Variants in DYSF observed in about 807,000 individuals in gnomAD.
DYSF encodes dystrophy-associated fer-1-like 1.
In DYSF, 212 loss-of-function variants were observed where a neutral mutation model predicts 274.9. That is an observed-to-expected ratio of 0.77 (90% CI 0.69 to 0.86). The LOEUF (loss-of-function observed/expected upper bound fraction) is 0.86, where lower values mean the gene tolerates loss of function less well. Among genes scored for constraint, DYSF ranks in the 40% least tolerant of loss-of-function variants. The probability of loss-of-function intolerance (pLI) is 0.00; values close to 1 mark genes in which losing one functional copy is unlikely to be tolerated. For missense variants in DYSF, 2,666 were observed against 2,783.2 expected (o/e 0.96, Z 0.95); for synonymous variants, 1,091 against 1,078.7 (o/e 1.01, Z -0.22).
At position 71,602,816 on chromosome 2, in the gene DYSF, C is replaced by A; in HGVS notation, c.3957+11C>A. On this transcript the variant is annotated intron_variant, in intron 36 of 55. Transcript: ENST00000410020. ...AGGATCCTGGATGAGGTGAGCTGGG[C>A]GTGGTGGTTGGGATGGGTGGGCCGA... 1 of 1,612,582 alleles carries A rather than the reference C, an allele frequency of 6.2e-7. No homozygotes were observed. Among genetic ancestry groups the A allele is most frequent in the Non-Finnish European group, 8.5e-7 (1 of 1,179,766 alleles).
intron 5 of DYSF, among the ~76,000 whole-genome samples, chr2:71,512,653 A>G (rs931432905): frequency 6.6e-5 from 10 of 152,214 alleles, no homozygotes; most frequent in Admixed American, 2.0e-4. Context: ...AGGAAGCTAC[A>G]TAGACGGGCT....
rs763710844 is a variant in DYSF at position 71,503,271 on chromosome 2, C to T, written c.297C>T (p.Ser99=). The T allele has an allele frequency of 1.1e-5, 17 of 1,613,984 alleles. No homozygotes were observed. The highest frequency in any genetic ancestry group is 4.4e-5 in the South Asian group (4 of 91,086). Residue 99 remains serine, a synonymous_variant, in exon 4 of 56, where the codon TCC becomes TCT. Coordinates refer to ENST00000410020, the MANE Select transcript of DYSF (RefSeq NM_001130987.2). ...LREVLATPSL[S]ASFNAPLLDT... ...AGGTCCTCGCCACCCCTAGTCTGTC[C>T]GCCAGCTTCAATGCCCCCCTGCTGG...
intron 41 of DYSF, among the ~76,000 whole-genome samples, chr2:71,622,130 G>T (rs60197768): frequency 4.9e-3 from 475 of 96,918 alleles, no homozygotes; most frequent in African/African-American, 7.8e-3. Flanking sequence ...TGATTTCTTT[G>T]TTTTTTTTTT....
Position 71,686,687 on chromosome 2 carries a change from T to G in DYSF, c.*195T>G, listed in dbSNP as rs978000816. The G allele has an allele frequency of 1.2e-5, 8 of 659,372 alleles. No homozygotes were observed. Among genetic ancestry groups the G allele is most frequent in the Middle Eastern group, 4.9e-4 (2 of 4,098 alleles). 40.8% of individuals were successfully genotyped at this position (659,372 alleles called of 1,614,324 possible). ...GAGCTCTGAGATCACCCCACTTCCA[T>G]CATTTCCTTCTCCCCCAACCCAACG... On this transcript the variant is annotated 3_prime_UTR_variant, in exon 56 of 56. Transcript: ENST00000410020.
At chr2:71,523,927 A>G (rs1573726883) in intron 12 of DYSF, among the ~76,000 whole-genome samples, 1 of 152,194 alleles carries the variant, frequency 6.6e-6, no homozygotes, top group African/African-American at 2.4e-5. Context: ...TGCTTTTAGG[A>G]TAGAGTCCAA....
chr2:71,526,415 C>CAGGGGGGGGGGGGG, intron 13 of DYSF, 69 bp downstream of exon 13: 1 of 411,246 alleles, frequency 2.4e-6, no homozygotes, highest in South Asian at 2.9e-5. Context: ...TGGGGGTGGG[C>CAGGGGGGGGGGGGG]GATGGCGGGC....
At chr2:71,572,351 G>GCA (rs2092542876) in intron 29 of DYSF, among the ~76,000 whole-genome samples, 2 of 146,504 alleles carry the variant, frequency 1.4e-5, no homozygotes, top group East Asian at 4.2e-4. Context: ...ATCACACCCA[G>GCA]CACAGATCAC....
At chr2:71,601,826 A>C (rs1203887447) in intron 35 of DYSF, among the ~76,000 whole-genome samples, 3 of 152,238 alleles carry the variant, frequency 2.0e-5, no homozygotes, top group African/African-American at 7.2e-5. Flanking sequence ...TCTCCGGGAC[A>C]GCACTGCCCA....
At chr2:71,535,389 T>C (rs1300421168) in intron 16 of DYSF, 78 bp downstream of exon 16, 2 of 1,396,734 alleles carry the variant, frequency 1.4e-6, no homozygotes, top group Non-Finnish European at 2.0e-6. Context: ...TTCGGCTCAG[T>C]GACTGGTAGT....
At chr2:71,493,531 C>T (rs192557278) in intron 3 of DYSF, among the ~76,000 whole-genome samples, 37 of 152,266 alleles carry the variant, frequency 2.4e-4, no homozygotes, top group Admixed American at 5.2e-4. Context: ...TAGTAAACCA[C>T]ATGAGTATTT....
At chr2:71,636,123 A>C (rs1440247292) in intron 41 of DYSF, among the ~76,000 whole-genome samples, 1 of 152,142 alleles carries the variant, frequency 6.6e-6, no homozygotes, top group Admixed American at 6.5e-5. Flanking sequence ...TGAGGAAGAA[A>C]GTTGAAGGAC....
chr2:71,564,266 T>C, intron 24 of DYSF, 53 bp downstream of exon 24: 1 of 1,607,960 alleles, frequency 6.2e-7, no homozygotes, highest in South Asian at 1.1e-5. Flanking sequence ...ACATAAGGCC[T>C]TTCTCCCATC....
chr2:71,454,168 C>A, intron 1 of DYSF: 1 of 1,369,552 alleles, frequency 7.3e-7, no homozygotes, highest in East Asian at 2.5e-5. Flanking sequence ...TGGAGAGCAC[C>A]TAGAGCTGAG....
intron 16 of DYSF, among the ~76,000 whole-genome samples, chr2:71,537,217 A>ATTTTT (rs1553536506): frequency 1.1e-5 from 1 of 89,930 alleles, no homozygotes. Flanking sequence ...TTTACTTTCT[A>ATTTTT]GTTTTGTTTT....
chr2:71,659,283 G>A (rs537253509), intron 44 of DYSF, among the ~76,000 whole-genome samples: 1 of 152,334 alleles, frequency 6.6e-6, no homozygotes, highest in East Asian at 1.9e-4. Context: ...AGGACTCTTA[G>A]GATAGATGAG....
intron 1 of DYSF, among the ~76,000 whole-genome samples, chr2:71,473,945 A>G (rs1180098573): frequency 2.1e-5 from 1 of 47,942 alleles, no homozygotes; most frequent in Non-Finnish European, 3.5e-5. Context: ...TTTTTTTTTG[A>G]GACAGAGCTT....
chr2:71,608,610 T>A (rs760438814), intron 36 of DYSF, among the ~76,000 whole-genome samples: 14 of 152,150 alleles, frequency 9.2e-5, no homozygotes, highest in Non-Finnish European at 1.6e-4. Context: ...CAGGGCCTTC[T>A]CCAAACGGTA....
At chr2:71,457,287 T>A (rs991404804) in intron 1 of DYSF, among the ~76,000 whole-genome samples, 3 of 152,196 alleles carry the variant, frequency 2.0e-5, no homozygotes, top group African/African-American at 7.2e-5. Context: ...TGGTAGCAAC[T>A]GTCATCACTC....
intron 10 of DYSF, among the ~76,000 whole-genome samples, chr2:71,517,735 C>T (rs1209642458): frequency 6.6e-6 from 1 of 151,998 alleles, no homozygotes; most frequent in Non-Finnish European, 1.5e-5. Context: ...TTTCAGACGT[C>T]CTGAGAATGA....
Sources: allele counts gnomAD v4.1 joint callset (sites outside exome capture counted in the v4.1 genomes callset), GRCh38; gene constraint gnomAD v4.1.1; transcripts MANE v1.5; gene names NCBI Gene and HGNC (gene_info 2026-07-23, HGNC 2026-07-21).